YWHAQ: variants seen among roughly 807,000 people sequenced by gnomAD.
The protein encoded by YWHAQ is 14-3-3 protein theta.
A neutral mutation model predicts 28.3 loss-of-function variants in YWHAQ; 6 were observed. The observed-to-expected ratio is 0.21, with a 90% CI of 0.12 to 0.42. The LOEUF is 0.42. Ranked by LOEUF, YWHAQ falls within the 10% of genes least tolerant of loss-of-function variation. The pLI, the probability that YWHAQ is intolerant of heterozygous loss-of-function variation, is 1.00. For synonymous variants in YWHAQ, 143 were observed against 119.1 expected (o/e 1.20, Z -1.31); for missense variants, 201 against 305.6 (o/e 0.66, Z 2.55).
intron 3 of YWHAQ, among the ~76,000 whole-genome samples, chr2:9,590,106 T>C (rs1666428426): frequency 6.6e-6 from 1 of 152,180 alleles, no homozygotes; most frequent in Non-Finnish European, 1.5e-5. Flanking sequence ...TATCTATGAA[T>C]CGCAGCCTAT....
intron 2 of YWHAQ, among the ~76,000 whole-genome samples, chr2:9,629,858 G>A (rs1667325386): frequency 6.6e-6 from 1 of 152,134 alleles, no homozygotes; most frequent in South Asian, 2.1e-4. Context: ...CAGTCTCCCC[G>A]CACAAGAAAC....
chr2:9,618,734 G>A (rs987724541), intron 2 of YWHAQ, among the ~76,000 whole-genome samples: 3 of 149,018 alleles, frequency 2.0e-5, no homozygotes, highest in Non-Finnish European at 4.4e-5. Context: ...GGCTGGTCTC[G>A]AATTCCTGGA....
chr2:9,590,532 C>T (rs1453117248), intron 3 of YWHAQ, among the ~76,000 whole-genome samples: 1 of 152,132 alleles, frequency 6.6e-6, no homozygotes, highest in Non-Finnish European at 1.5e-5. Context: ...ACTGACACTT[C>T]TAATACCTAG....
intron 2 of YWHAQ, among the ~76,000 whole-genome samples, chr2:9,606,173 G>A (rs893671111): frequency 2.0e-5 from 3 of 152,146 alleles, no homozygotes; most frequent in Non-Finnish European, 4.4e-5. Flanking sequence ...TTGTTAAACT[G>A]TCCTTCCTGG....
intron 2 of YWHAQ, among the ~76,000 whole-genome samples, chr2:9,597,051 A>G (rs966821943): frequency 1.3e-5 from 2 of 152,230 alleles, no homozygotes; most frequent in Non-Finnish European, 2.9e-5. Context: ...CTTTTATACT[A>G]TCGTTAGCTC....
At chr2:9,602,862 AATATATATATATAT>A (rs71413909) in intron 2 of YWHAQ, among the ~76,000 whole-genome samples, 89 of 20,832 alleles carry the variant, frequency 4.3e-3, no homozygotes, top group East Asian at 0.022. Flanking sequence ...AAAAAAAAAA[AATATATATATATAT>A]ATATATATAT....
At chr2:9,626,723 A>T (rs747852415) in intron 2 of YWHAQ, among the ~76,000 whole-genome samples, 1 of 152,192 alleles carries the variant, frequency 6.6e-6, no homozygotes, top group Non-Finnish European at 1.5e-5. Flanking sequence ...GAGCCACCAC[A>T]TCCAGCCAAA....
intron 2 of YWHAQ, among the ~76,000 whole-genome samples, chr2:9,623,039 AG>A (rs1667171678): frequency 6.6e-6 from 1 of 152,250 alleles, no homozygotes; most frequent in Non-Finnish European, 1.5e-5. Context: ...ATAGCCAACC[AG>A]ATTTCCCAAC....
intron 3 of YWHAQ, among the ~76,000 whole-genome samples, chr2:9,591,183 A>G (rs1288338339): frequency 6.6e-6 from 1 of 152,226 alleles, no homozygotes; most frequent in Non-Finnish European, 1.5e-5. Context: ...GAGTTCACAG[A>G]TGAGCTTAAT....
intron 2 of YWHAQ, among the ~76,000 whole-genome samples, chr2:9,593,635 C>T (rs894942098): frequency 3.3e-5 from 5 of 151,846 alleles, no homozygotes; most frequent in Admixed American, 3.3e-4. Flanking sequence ...TTGAGACCAG[C>T]CTGGGCAACA....
At chr2:9,602,127 T>G (rs1666705762) in intron 2 of YWHAQ, among the ~76,000 whole-genome samples, 1 of 152,152 alleles carries the variant, frequency 6.6e-6, no homozygotes, top group Non-Finnish European at 1.5e-5. Context: ...TCACTTATCC[T>G]TTAATATAAT....
At chr2:9,629,631 C>T (rs1398207361) in intron 2 of YWHAQ, among the ~76,000 whole-genome samples, 1 of 151,976 alleles carries the variant, frequency 6.6e-6, no homozygotes, top group East Asian at 1.9e-4. Context: ...AACTCCCCTC[C>T]TCTCCTGTTT....
chr2:9,592,495 G>A (rs1666477207), intron 2 of YWHAQ, among the ~76,000 whole-genome samples: 1 of 152,028 alleles, frequency 6.6e-6, no homozygotes, highest in Non-Finnish European at 1.5e-5. Flanking sequence ...GGATGCCAAG[G>A]CGGGCAGATA....
Position 9,585,161 on chromosome 2 carries a change from A to C in YWHAQ, c.*125T>G. On this transcript the variant is annotated 3_prime_UTR_variant, in exon 6 of 6. Transcript: ENST00000238081. ...TTTCCCAAAGCTGCAGTGTGAAAAG[A>C]CTATAAACAGTTGATTCCATACACA... is the stretch of plus-strand genomic sequence containing the variant. The C allele has an allele frequency of 9.4e-7, 1 of 1,064,536 alleles. No individual in the cohort carries two copies. Among genetic ancestry groups the C allele is most frequent in the Non-Finnish European group, 1.4e-6 (1 of 713,510 alleles). The allele number at this position is 1,064,536 out of a possible 1,614,324, so 65.9% of individuals were successfully genotyped here.
intron 2 of YWHAQ, 96 bp from the exon 3 acceptor site, chr2:9,591,611 A>G (rs543810769): frequency 6.9e-7 from 1 of 1,441,696 alleles, no homozygotes; most frequent in East Asian, 2.3e-5. Flanking sequence ...CATTTCAATC[A>G]TTTACTACTA....
intron 3 of YWHAQ, among the ~76,000 whole-genome samples, chr2:9,588,750 A>G (rs7565646): frequency 0.59 from 90,181 of 151,862 alleles, 29,112 homozygotes; most frequent in African/African-American, 0.82. Context: ...CAGCTTGGGC[A>G]ACAGAACGAT....
intron 2 of YWHAQ, among the ~76,000 whole-genome samples, chr2:9,601,335 G>A (rs1009308007): frequency 1.8e-4 from 27 of 152,148 alleles, no homozygotes; most frequent in Middle Eastern, 6.8e-3. Context: ...GGTGGCGCAC[G>A]CCTGTAATCC....
intron 3 of YWHAQ, among the ~76,000 whole-genome samples, chr2:9,590,126 C>T (rs1666429108): frequency 6.6e-6 from 1 of 152,182 alleles, no homozygotes; most frequent in Non-Finnish European, 1.5e-5. Context: ...TCAGAATGTA[C>T]ACAGGACTAC....
chr2:9,595,804 T>C (rs1036346019), intron 2 of YWHAQ, among the ~76,000 whole-genome samples: 4 of 152,124 alleles, frequency 2.6e-5, no homozygotes, highest in African/African-American at 9.7e-5. Flanking sequence ...AGCTCCCCCT[T>C]GTAAACTCGT....
Sources: allele counts gnomAD v4.1 joint callset (sites outside exome capture counted in the v4.1 genomes callset), GRCh38; gene constraint gnomAD v4.1.1; transcripts MANE v1.5; gene names NCBI Gene and HGNC (gene_info 2026-07-23, HGNC 2026-07-21).